ARRB1: variants seen among roughly 807,000 people sequenced by gnomAD.
ARRB1 encodes the protein arrestin beta 1.
ARRB1 carries 21 observed loss-of-function variants against 56.8 expected under a neutral mutation model. The observed-to-expected ratio is 0.37, with a 90% confidence interval of 0.26 to 0.53. ARRB1 has a LOEUF of 0.53. ARRB1 is among the 20% of genes least tolerant of loss of function. The probability of loss-of-function intolerance (pLI) is 0.88; values close to 1 mark genes in which losing one functional copy is unlikely to be tolerated. For missense variants in ARRB1, 424 were observed against 553.7 expected (o/e 0.77, Z 2.35); for synonymous variants, 210 against 218.6 (o/e 0.96, Z 0.35).
rs373432274 is a variant in ARRB1, at chr11:75,268,955, C to T, written c.1027G>A (p.Val343Met). The change falls in exon 14 of 16, where the codon GTG (valine) becomes ATG (methionine). Residue 343 changes from valine (V) to methionine (M), a missense_variant. Val to Met is a conservative substitution (Grantham distance 21). Transcript: ENST00000420843. ...GLLGDLASSD[V>M]AVELPFTLMH... ...AGGGTGAAGGGCAGTTCCACGGCCACGTCGCTGAAACAGAGACCCAGACCC... is the reference window on the plus strand; with the variant it reads ...AGGGTGAAGGGCAGTTCCACGGCCATGTCGCTGAAACAGAGACCCAGACCC... 90 of 1,609,382 alleles carry T rather than the reference C, an allele frequency of 5.6e-5. 1 individual carries two copies. Among genetic ancestry groups the T allele is most frequent in the African/African-American group, 4.6e-4 (34 of 74,562 alleles).
At chr11:75,294,480 C>G (rs1014859885) in intron 1 of ARRB1, among the ~76,000 whole-genome samples, 2 of 151,974 alleles carry the variant, frequency 1.3e-5, no homozygotes, top group Non-Finnish European at 2.9e-5. Context: ...TCGCTTCAAC[C>G]AGGGAGGCGG....
chr11:75,351,481 C>T, intron 1 of ARRB1, 107 bp downstream of exon 1: 1 of 1,458,712 alleles, frequency 6.9e-7, no homozygotes, highest in Non-Finnish European at 9.1e-7. Flanking sequence ...GTACTAGATC[C>T]CGCGGTGGCC....
At chr11:75,278,494 G>T in intron 8 of ARRB1, 115 bp downstream of exon 8, 1 of 1,440,004 alleles carries the variant, frequency 6.9e-7, no homozygotes, top group Non-Finnish European at 9.3e-7. Context: ...TGGTCCTTGG[G>T]CTGGGGATAG....
chr11:75,273,511 C>A (rs770454030), intron 11 of ARRB1, among the ~76,000 whole-genome samples: 1 of 152,190 alleles, frequency 6.6e-6, no homozygotes, highest in Non-Finnish European at 1.5e-5. Context: ...AGAGCTGAGT[C>A]TGTGCTGGGA....
chr11:75,282,939 C>T (rs1437175624), intron 5 of ARRB1, among the ~76,000 whole-genome samples: 2 of 152,188 alleles, frequency 1.3e-5, no homozygotes, highest in African/African-American at 2.4e-5. Context: ...GGGTTGCTGC[C>T]GGGCAAGTGG....
At chr11:75,335,454 G>A (rs558183136) in intron 1 of ARRB1, among the ~76,000 whole-genome samples, 33 of 152,174 alleles carry the variant, frequency 2.2e-4, no homozygotes, top group African/African-American at 7.0e-4. Flanking sequence ...GGATGGTGGC[G>A]AACACCTGTG....
In ARRB1 at chr11:75,296,873, T is replaced by C. The variant is rs60550020; in HGVS notation, c.21-6834A>G. On this transcript the variant is annotated intron_variant, in intron 1 of 15. Transcript: ENST00000420843. ...TTTGTATTTTAGTAGAGATGGGGTT[T>C]CACCATGTTGTCCAGGGTGGTCTCG... Among the ~76,000 whole-genome samples the C allele has an allele frequency of 1.7e-3, 264 of 152,214 alleles. 1 individual carries two copies. The highest frequency in any genetic ancestry group is 5.9e-3 in the African/African-American group (243 of 41,532).
chr11:75,293,282 A>G (rs1247676364), intron 1 of ARRB1, among the ~76,000 whole-genome samples: 1 of 152,132 alleles, frequency 6.6e-6, no homozygotes, highest in Non-Finnish European at 1.5e-5. Context: ...GATCCTTACA[A>G]TACCATTTCA....
At chr11:75,309,258 C>G (rs1477882184) in intron 1 of ARRB1, among the ~76,000 whole-genome samples, 1 of 152,272 alleles carries the variant, frequency 6.6e-6, no homozygotes, top group Non-Finnish European at 1.5e-5. Context: ...GGCCCAAGCC[C>G]TGCTCCCTCA....
At chr11:75,299,231 C>T (rs1946835101) in intron 1 of ARRB1, among the ~76,000 whole-genome samples, 2 of 147,898 alleles carry the variant, frequency 1.4e-5, no homozygotes, top group Admixed American at 6.7e-5. Context: ...TATATTACAT[C>T]TCAATTAAAA....
chr11:75,270,059 C>T (rs753878568), intron 13 of ARRB1, among the ~76,000 whole-genome samples: 1 of 152,260 alleles, frequency 6.6e-6, no homozygotes, highest in African/African-American at 2.4e-5. Flanking sequence ...GTCTGTTCCA[C>T]CAGCCTCGCC....
intron 1 of ARRB1, among the ~76,000 whole-genome samples, chr11:75,331,254 G>A (rs542074395): frequency 1.2e-4 from 18 of 152,144 alleles, no homozygotes; most frequent in East Asian, 9.7e-4. Context: ...CAAGTGATCC[G>A]TCCGCCTAGG....
intron 1 of ARRB1, among the ~76,000 whole-genome samples, chr11:75,315,203 C>G (rs1947244961): frequency 6.6e-6 from 1 of 152,120 alleles, no homozygotes; most frequent in African/African-American, 2.4e-5. Context: ...GACACAGCTT[C>G]CAGTGCTCGG....
chr11:75,269,211 C>G, intron 13 of ARRB1: 1 of 708,114 alleles, frequency 1.4e-6, no homozygotes, highest in Non-Finnish European at 2.6e-6. Flanking sequence ...TGGGTTCCCA[C>G]GGGCTGGGAA....
chr11:75,324,244 G>A (rs1403353698), intron 1 of ARRB1, among the ~76,000 whole-genome samples: 1 of 152,224 alleles, frequency 6.6e-6, no homozygotes, highest in Non-Finnish European at 1.5e-5. Context: ...CCCAGGTCTA[G>A]GGGAACATAG....
At chr11:75,283,932 T>A (rs1022709057) in intron 4 of ARRB1, among the ~76,000 whole-genome samples, 1 of 152,134 alleles carries the variant, frequency 6.6e-6, no homozygotes, top group Non-Finnish European at 1.5e-5. Context: ...TGCGCATTGA[T>A]ACTGCCCCGG....
intron 15 of ARRB1, among the ~76,000 whole-genome samples, chr11:75,266,883 G>C (rs1425251682): frequency 6.6e-6 from 1 of 152,188 alleles, no homozygotes; most frequent in Non-Finnish European, 1.5e-5. Context: ...TCTAAATAGG[G>C]GGGCAGAGGA....
At chr11:75,342,451 T>C (rs766206572) in intron 1 of ARRB1, among the ~76,000 whole-genome samples, 12 of 152,226 alleles carry the variant, frequency 7.9e-5, no homozygotes, top group Non-Finnish European at 1.5e-4. Flanking sequence ...TTCTGAGTAC[T>C]TGCCCAGTGG....
At chr11:75,273,921 T>C (rs936788940) in intron 11 of ARRB1, among the ~76,000 whole-genome samples, 153 bp downstream of exon 11, 3 of 152,174 alleles carry the variant, frequency 2.0e-5, no homozygotes, top group Non-Finnish European at 4.4e-5. Context: ...AGGAGGCAGC[T>C]TCCCTGACAA....
Sources: allele counts gnomAD v4.1 joint callset (sites outside exome capture counted in the v4.1 genomes callset), GRCh38; gene constraint gnomAD v4.1.1; transcripts MANE v1.5; gene names NCBI Gene and HGNC (gene_info 2026-07-23, HGNC 2026-07-21).